Variants in CDH24 observed in about 807,000 individuals in gnomAD.
CDH24 encodes cadherin 24.
Under a neutral mutation model 71.2 loss-of-function variants are expected in CDH24, and 61 were observed. The observed-to-expected ratio is 0.86, with a 90% CI of 0.70 to 1.06. The LOEUF is 1.06. CDH24 is among the 50% of genes least tolerant of loss of function. CDH24 has a pLI of 0.00. For synonymous variants in CDH24, 440 were observed against 470.2 expected, an observed-to-expected ratio of 0.94 and a Z score of 0.83; for missense variants, 961 against 1,083.7, an observed-to-expected ratio of 0.89 and a Z score of 1.59.
At position 23,054,509 on chromosome 14, in the gene CDH24, G is replaced by C; in HGVS notation, c.781C>G (p.Gln261Glu). Reference sequence around the variant, plus strand: ...GGTGGCAGCAATGGCCCCTTACTCTGTGGGAACTTGGGGGGGTTGTCGTTG... The same window carrying C: ...GGTGGCAGCAATGGCCCCTTACTCTCTGGGAACTTGGGGGGGTTGTCGTTG... The part of the protein sequence containing the change: ...DVNDNPPKFP[Q>E]SLYQFSVVET... Residue 261 changes from glutamine to glutamate, a missense_variant, in exon 5 of 13, where the codon CAG becomes GAG. By Grantham distance (29) the Gln-to-Glu change is conservative. This residue lies in a region of CDH24 where 671 missense variants were observed against 810.9 expected (regional missense o/e 0.83). Coordinates refer to ENST00000487137, the MANE Select transcript of CDH24 (RefSeq NM_144985.4). The surrounding 1 kb of genome is among the most constrained non-coding windows in gnomAD (Gnocchi z 5.2). 1 of 1,612,682 alleles carries C rather than the reference G, an allele frequency of 6.2e-7. No homozygotes were observed. Among genetic ancestry groups the C allele is most frequent in the Non-Finnish European group, 8.5e-7 (1 of 1,179,214 alleles).
rs1017058198 is a variant in CDH24, at chr14:23,054,427, C to T, written c.784+79G>A. 67 of 1,557,432 alleles carry T rather than the reference C, an allele frequency of 4.3e-5. No homozygotes were observed. Among genetic ancestry groups the T allele is most frequent in the African/African-American group, 3.7e-4 (27 of 73,486 alleles). Reference sequence around the variant, plus strand: ...TCCCAGGATCTGGCTGGGGAGGAGGCGAGGAGGGAAGGTTTCTCCAGACAC... The same window carrying T: ...TCCCAGGATCTGGCTGGGGAGGAGGTGAGGAGGGAAGGTTTCTCCAGACAC... On this transcript the variant is annotated intron_variant, in intron 5 of 12. Coordinates refer to ENST00000487137, the MANE Select transcript of CDH24 (RefSeq NM_144985.4). The surrounding 1 kb of genome is among the most constrained non-coding windows in gnomAD (Gnocchi z 5.2).
chr14:23,047,946 C>CG lies in CDH24; in HGVS notation c.*33_*34insC, dbSNP rs1594722333. The CG allele has an allele frequency of 1.6e-6, 2 of 1,287,688 alleles. No homozygotes were observed. The highest frequency in any genetic ancestry group is 6.6e-5 in the East Asian group (2 of 30,450). 79.8% of individuals were successfully genotyped at this position (1,287,688 alleles called of 1,614,324 possible). A position where few individuals can be genotyped will look rare whatever the true frequency, so the allele number is the denominator to read the frequency against. ...ACTCAGAGGGCCTGTGCCCGCTGCC[C>CG]CCCCCCCGCGGTGGGCCGGGCCAGC... On this transcript the variant is annotated 3_prime_UTR_variant, in exon 12 of 13. Transcript: ENST00000487137.
rs1282119421 is a variant in CDH24 at position 23,055,599 on chromosome 14, G to A, written c.135C>T (p.Ser45=). The A allele has an allele frequency of 6.2e-7, 1 of 1,613,968 alleles. No homozygotes were observed. Among genetic ancestry groups the A allele is most frequent in the Admixed American group, 1.7e-5 (1 of 60,026 alleles). The change falls in exon 2 of 13, where the codon AGC becomes AGT. Residue 45 remains serine (S), a synonymous_variant. Coordinates refer to ENST00000487137, the MANE Select transcript of CDH24 (RefSeq NM_144985.4). This position sits in a 1 kb window ranked among gnomAD's most constrained non-coding sequence, Gnocchi z 4.1. ...TGACAAAGAACTGGTTCCAGACCCAGCTCCTTCGAGTCCGCAGCAGAGCAG... is the reference window on the plus strand; with the variant it reads ...TGACAAAGAACTGGTTCCAGACCCAACTCCTTCGAGTCCGCAGCAGAGCAG... ...PGPALLRTRR[S]WVWNQFFVIE...
intron 10 of CDH24, 81 bp from the exon 11 acceptor site, chr14:23,049,356 C>T (rs1228193324): frequency 6.6e-6 from 9 of 1,367,580 alleles, no homozygotes; most frequent in Non-Finnish European, 8.9e-6. Context: ...GCCAGCTTCC[C>T]ATAGAGCCAG....
Position 23,047,763 on chromosome 14 carries a change from A to G in CDH24, c.*217T>C. 2.8e-6 allele frequency: 1 copy of G among 362,500 alleles called. No individual in the cohort carries two copies. The highest frequency in any genetic ancestry group is 4.9e-6 in the Non-Finnish European group (1 of 203,474). 22.5% of individuals were successfully genotyped at this position (362,500 alleles called of 1,614,324 possible). ...AGGCCCGGACAGAGGAGCGTGTCACAGATAGAGACAAAGATTCCTGGAGAG... is the reference window on the plus strand; with the variant it reads ...AGGCCCGGACAGAGGAGCGTGTCACGGATAGAGACAAAGATTCCTGGAGAG... On this transcript the variant is annotated 3_prime_UTR_variant, in exon 12 of 13. Coordinates refer to ENST00000487137, the MANE Select transcript of CDH24 (RefSeq NM_144985.4).
In CDH24 at chr14:23,050,060, A is replaced by G. The variant is rs1594723962; in HGVS notation, c.1364-117T>C. ...AGCATATAGCATGCACAAGAAACACATGAAATATGCATGTAATGTACAGGT... is the reference window on the plus strand; with the variant it reads ...AGCATATAGCATGCACAAGAAACACGTGAAATATGCATGTAATGTACAGGT... On this transcript the variant is annotated intron_variant, in intron 8 of 12. Transcript: ENST00000487137. The G allele has an allele frequency of 2.2e-6, 3 of 1,372,782 alleles. No individual in the cohort carries two copies. The East Asian group carries it at 7.0e-5, about 32-fold the overall frequency. 85.0% of individuals were successfully genotyped at this position (1,372,782 alleles called of 1,614,324 possible).
Position 23,048,156 on chromosome 14 carries a change from A to T in CDH24, c.2170T>A (p.Ser724Thr). The change falls in exon 12 of 13, where the codon TCG becomes ACG. Residue 724 changes from serine to threonine, a missense_variant. By Grantham distance (58) the Ser-to-Thr change is moderately conservative. Coordinates refer to ENST00000487137, the MANE Select transcript of CDH24 (RefSeq NM_144985.4). Reference sequence around the variant, plus strand: ...CCCTCGTAGCCGTACACCTGCACCGAGTCGTACGGGGGTACGCCGGGGTCC... The same window carrying T: ...CCCTCGTAGCCGTACACCTGCACCGTGTCGTACGGGGGTACGCCGGGGTCC... ...DEDPGVPPYD[S>T]VQVYGYEGRG... The T allele has an allele frequency of 7.3e-7, 1 of 1,372,092 alleles. No homozygotes were observed. The highest frequency in any genetic ancestry group is 1.5e-5 in the African/African-American group (1 of 64,936). The allele number at this position is 1,372,092 out of a possible 1,614,324, so 85.0% of individuals were successfully genotyped here. A position where few individuals can be genotyped will look rare whatever the true frequency, so the allele number is the denominator to read the frequency against.
In CDH24 at chr14:23,055,884, C is replaced by T. The variant is rs1697351133; in HGVS notation, c.-124-27G>A. 1.5e-6 allele frequency: 1 copy of T among 657,548 alleles called. No homozygotes were observed. The highest frequency in any genetic ancestry group is 3.0e-5 in the Admixed American group (1 of 33,876). The allele number at this position is 657,548 out of a possible 1,614,324, so 40.7% of individuals were successfully genotyped here. A position where few individuals can be genotyped will look rare whatever the true frequency, so the allele number is the denominator to read the frequency against. On this transcript the variant is annotated intron_variant, in intron 1 of 12. Coordinates refer to ENST00000487137, the MANE Select transcript of CDH24 (RefSeq NM_144985.4). The surrounding 1 kb of genome is among the most constrained non-coding windows in gnomAD (Gnocchi z 4.1). The stretch of plus-strand genomic sequence containing the variant: ...TGCAGGACAAGCAGCTGCTCAGGCT[C>T]AAGGAAACCCCTAGCCCTCCTCCCC...
In CDH24 at chr14:23,049,729, C is replaced by T. The variant is rs760700341; in HGVS notation, c.1495G>A (p.Val499Ile). The T allele has an allele frequency of 6.2e-7, 1 of 1,611,876 alleles. No homozygotes were observed. Among genetic ancestry groups the T allele is most frequent in the Non-Finnish European group, 8.5e-7 (1 of 1,178,564 alleles). ...TCATCTCTGTCCAGGGCCCGGATGA[C>T]CTGAATCAGCTGGGAGGAAGAAGAG... ...DSAAPGQLIQ[V>I]IRALDRDEVG... The change falls in exon 10 of 13, where the codon GTC (valine) becomes ATC (isoleucine). Residue 499 changes from valine (V) to isoleucine (I), a missense_variant. By Grantham distance (29) the Val-to-Ile change is conservative. Around this residue, in one of 2 missense-constraint regions of CDH24, gnomAD observed 671 missense variants for 810.9 expected, o/e 0.83. Transcript: ENST00000487137.
At chr14:23,056,974 TGAGGAGGC>T (rs2047139529) in intron 1 of CDH24, among the ~76,000 whole-genome samples, 1 of 90,768 alleles carries the variant, frequency 1.1e-5, no homozygotes, top group African/African-American at 4.4e-5. Flanking sequence ...GAAGGCGGGA[TGAGGAGGC>T]GAGAAGGAAG....
rs1451696896 is a variant in CDH24 at position 23,048,282 on chromosome 14, G to A, written c.2044C>T (p.Arg682Ter). 6.4e-7 allele frequency: 1 copy of A among 1,571,846 alleles called. No individual in the cohort carries two copies. Among genetic ancestry groups the A allele is most frequent in the Non-Finnish European group, 8.6e-7 (1 of 1,164,120 alleles). The change falls in exon 12 of 13, where the codon CGA becomes TGA. Residue 682 changes from arginine to a stop codon, truncating the protein, a stop_gained. Transcript: ENST00000487137. LOFTEE classifies it high-confidence loss of function. Reference sequence around the variant, plus strand: ...ACCCGGGCCCGGGGCAACACGTCTCGGCGCGCGGGAGGGCCGGGCGCCGGG... The same window carrying A: ...ACCCGGGCCCGGGGCAACACGTCTCAGCGCGCGGGAGGGCCGGGCGCCGGG... ...APPAPGPPAR[R>*]DVLPRARVSR... is the part of the protein sequence containing the mutation.
At position 23,051,920 on chromosome 14, in the gene CDH24, G is replaced by A. The variant is rs1018722108; in HGVS notation, c.1363+553C>T. On this transcript the variant is annotated intron_variant, in intron 8 of 12. Transcript: ENST00000487137. This position sits in a 1 kb window ranked among gnomAD's most constrained non-coding sequence, Gnocchi z 4.4. ...GCTGGCCTGACTGATGGGGGAGACC[G>A]CATATGGAGCTGGCACTCCTCCCCT... 3.8e-6 allele frequency: 4 copies of A among 1,063,446 alleles called. No individual in the cohort carries two copies. Among genetic ancestry groups the A allele is most frequent in the East Asian group, 2.7e-5 (1 of 37,640 alleles). The allele number at this position is 1,063,446 out of a possible 1,614,324, so 65.9% of individuals were successfully genotyped here.
At position 23,055,776 on chromosome 14, in the gene CDH24, T is replaced by C; in HGVS notation, c.-43A>G. On this transcript the variant is annotated 5_prime_UTR_variant, in exon 2 of 13. Coordinates refer to ENST00000487137, the MANE Select transcript of CDH24 (RefSeq NM_144985.4). The surrounding 1 kb of genome is among the most constrained non-coding windows in gnomAD (Gnocchi z 4.1). ...GGCTCTGTTCACTGGCCCTGGGTGCTGAGGCTGGGCCAGGCCACGTGGCCC... is the reference window on the plus strand; with the variant it reads ...GGCTCTGTTCACTGGCCCTGGGTGCCGAGGCTGGGCCAGGCCACGTGGCCC... 1 of 1,483,434 alleles carries C rather than the reference T, an allele frequency of 6.7e-7. No individual in the cohort carries two copies. The highest frequency in any genetic ancestry group is 9.0e-7 in the Non-Finnish European group (1 of 1,116,472). The allele number at this position is 1,483,434 out of a possible 1,614,324, so 91.9% of individuals were successfully genotyped here.
In CDH24 at chr14:23,048,346, G is replaced by A. The variant is rs1420339567; in HGVS notation, c.1980C>T (p.Phe660=). The part of the protein sequence containing the change: ...EGGGEEDTEA[F]DITALQNPDG... Reference sequence around the variant, plus strand: ...CCGGGTTCTGCAAGGCCGTGATGTCGAAGGCCTCGGTGTCCTCCTCGCCGC... The same window carrying A: ...CCGGGTTCTGCAAGGCCGTGATGTCAAAGGCCTCGGTGTCCTCCTCGCCGC... Residue 660 remains phenylalanine (F), a synonymous_variant, in exon 12 of 13, where the codon TTC becomes TTT. Transcript: ENST00000487137. The A allele has an allele frequency of 1.2e-6, 2 of 1,611,688 alleles. No homozygotes were observed. Among genetic ancestry groups the A allele is most frequent in the Non-Finnish European group, 8.5e-7 (1 of 1,179,394 alleles).
rs1184614921 is a variant in CDH24 at position 23,053,476 on chromosome 14, C to G, written c.1226+20G>C. ...AGAGCCTGCCATCTGGCTCCCCAGC[C>G]CACATCCCAGCTCACCTACCTGATT... On this transcript the variant is annotated intron_variant, in intron 7 of 12. Coordinates refer to ENST00000487137, the MANE Select transcript of CDH24 (RefSeq NM_144985.4). The G allele has an allele frequency of 6.5e-7, 1 of 1,547,684 alleles. No individual in the cohort carries two copies. Among genetic ancestry groups the G allele is most frequent in the Non-Finnish European group, 8.8e-7 (1 of 1,140,412 alleles).
At chr14:23,049,382 G>A (rs577774732) in intron 10 of CDH24, 107 bp from the exon 11 acceptor site, 122 of 1,120,304 alleles carry the variant, frequency 1.1e-4, no homozygotes, top group Non-Finnish European at 1.5e-4. Flanking sequence ...CATAGAGCCA[G>A]CCCATAGGTC....
intron 9 of CDH24, 36 bp from the exon 10 acceptor site, chr14:23,049,774 G>A: frequency 1.2e-6 from 2 of 1,612,526 alleles, no homozygotes; most frequent in Non-Finnish European, 1.7e-6. Context: ...GTATGGAGTG[G>A]GCTGCTGGAG....
chr14:23,056,055 ATC>A (rs1307960764), intron 1 of CDH24, among the ~76,000 whole-genome samples, 198 bp from the exon 2 acceptor site: 1 of 152,124 alleles, frequency 6.6e-6, no homozygotes, highest in Non-Finnish European at 1.5e-5. Context: ...AAGCTGATAA[ATC>A]TCTGGTCAGT....
At position 23,054,159 on chromosome 14, in the gene CDH24, C is replaced by T; in HGVS notation, c.954G>A (p.Gly318=). Residue 318 remains glycine, a synonymous_variant, in exon 6 of 13, where the codon GGG becomes GGA. Coordinates refer to ENST00000487137, the MANE Select transcript of CDH24 (RefSeq NM_144985.4). The surrounding 1 kb of genome is among the most constrained non-coding windows in gnomAD (Gnocchi z 5.2). ...GGCTAACCTTGCGGACAGTGAGGAG[C>T]CCGTCTCGACCCTGCAAGTCTGTGC... ...SISTDLQGRD[G]LLTVRKPLDF... The T allele has an allele frequency of 6.2e-7, 1 of 1,601,228 alleles. No homozygotes were observed. The highest frequency in any genetic ancestry group is 8.5e-7 in the Non-Finnish European group (1 of 1,172,582).
Sources: gnomAD v4.1 joint callset for allele counts (sites outside exome capture counted in the v4.1 genomes callset) on GRCh38, gnomAD v4.1.1 for gene constraint, gnomAD v4.1.1 regional missense constraint, Gnocchi (gnomAD v3.1) non-coding constraint, MANE v1.5 for transcripts, NCBI Gene and HGNC (gene_info 2026-07-23, HGNC 2026-07-21) for gene names.